Variants in CAST observed in about 807,000 individuals in gnomAD.
The protein encoded by CAST is MIR583 host.
Under a neutral mutation model 119.6 loss-of-function variants are expected in CAST, and 76 were observed. That is an observed-to-expected ratio of 0.64 (90% CI 0.53 to 0.77). The LOEUF is 0.77. Ranked by LOEUF, CAST falls within the 30% of genes least tolerant of loss-of-function variation. CAST has a pLI of 0.00. For synonymous variants in CAST, 319 were observed against 331.6 expected, an observed-to-expected ratio of 0.96 and a Z score of 0.41; for missense variants, 953 against 946.5, an observed-to-expected ratio of 1.01 and a Z score of -0.09.
the CAST span, among the ~76,000 whole-genome samples, chr5:95,992,831 T>G: frequency 1.3e-5 from 2 of 152,098 alleles, no homozygotes; most frequent in Non-Finnish European, 2.9e-5. Flanking sequence ...AAATCTAAAA[T>G]TATTCCAAAA....
chr5:96,721,429 C>A (rs976052696), intron 3 of CAST, among the ~76,000 whole-genome samples: 5 of 152,004 alleles, frequency 3.3e-5, no homozygotes, highest in African/African-American at 1.2e-4. Context: ...CATACAATCA[C>A]CTTGAGTGGT....
At chr5:96,551,582 T>G (rs1014930495) in intron 1 of CAST, among the ~76,000 whole-genome samples, 1 of 151,902 alleles carries the variant, frequency 6.6e-6, no homozygotes, top group South Asian at 2.1e-4. Context: ...TAACCTTAAA[T>G]GTAAATGGGC....
upstream of CAST, among the ~76,000 whole-genome samples, chr5:96,527,604 T>C (rs909262530): frequency 3.9e-5 from 6 of 152,176 alleles, no homozygotes; most frequent in Admixed American, 3.9e-4. Flanking sequence ...TCAGTATCGT[T>C]AAGAAAACCT....
At chr5:96,652,737 A>G (rs756027781) in intron 1 of CAST, among the ~76,000 whole-genome samples, 3 of 152,230 alleles carry the variant, frequency 2.0e-5, no homozygotes, top group Admixed American at 6.5e-5. Flanking sequence ...AAATGACACA[A>G]TGCAAAATAT....
the CAST span, among the ~76,000 whole-genome samples, chr5:95,999,803 T>C: frequency 1.3e-5 from 2 of 152,242 alleles, no homozygotes; most frequent in African/African-American, 4.8e-5. Flanking sequence ...CGTAGTTTTA[T>C]GTTTAACTTT....
chr5:95,963,938 G>C, the CAST span, among the ~76,000 whole-genome samples: 2 of 152,126 alleles, frequency 1.3e-5, no homozygotes, highest in African/African-American at 4.8e-5. Context: ...GCGGGTGGGG[G>C]AGGAGTAAGG....
intron 1 of CAST, among the ~76,000 whole-genome samples, chr5:96,615,230 G>A (rs1018746055): frequency 2.6e-5 from 4 of 152,230 alleles, no homozygotes; most frequent in African/African-American, 7.2e-5. Context: ...GCTAAACTAT[G>A]ATGTTCAGCA....
At chr5:96,563,290 A>C (rs1171234387) in intron 1 of CAST, among the ~76,000 whole-genome samples, 1 of 152,106 alleles carries the variant, frequency 6.6e-6, no homozygotes, top group South Asian at 2.1e-4. Context: ...TATTAAATAC[A>C]TGTGTATTAT....
chr5:96,170,589 C>A, the CAST span, among the ~76,000 whole-genome samples: 1 of 152,098 alleles, frequency 6.6e-6, no homozygotes, highest in Non-Finnish European at 1.5e-5. Context: ...ATGTCGGGAG[C>A]GGATTGGGTA....
At chr5:96,594,930 C>T (rs1747029459) in intron 1 of CAST, among the ~76,000 whole-genome samples, 1 of 152,112 alleles carries the variant, frequency 6.6e-6, no homozygotes. Context: ...AAAGGCAAGA[C>T]CAAGGAAGCA....
chr5:96,227,700 T>C, the CAST span, among the ~76,000 whole-genome samples: 2 of 152,194 alleles, frequency 1.3e-5, no homozygotes, highest in East Asian at 3.8e-4. Context: ...TTTTGTTACT[T>C]TTTATTTTCA....
rs550623125 is a variant in CAST, at chr5:96,561,329, C to A, written c.60+31449C>A. Reference sequence around the variant, plus strand: ...ATGTAACAAACCTGCACTTTGTGTACACGTACCCTAAAACTTAAAGTATAA... The same window carrying A: ...ATGTAACAAACCTGCACTTTGTGTAAACGTACCCTAAAACTTAAAGTATAA... On this transcript the variant is annotated intron_variant, in intron 1 of 11. Coordinates refer to the CAST transcript ENST00000505143. Among the ~76,000 whole-genome samples, 4 of 150,434 alleles carry A rather than the reference C, an allele frequency of 2.7e-5. No individual in the cohort carries two copies. The East Asian group carries it at 7.8e-4, about 30-fold the overall frequency.
chr5:96,606,153 C>T (rs1431493374), intron 1 of CAST, among the ~76,000 whole-genome samples: 1 of 151,934 alleles, frequency 6.6e-6, no homozygotes, highest in Non-Finnish European at 1.5e-5. Context: ...TTTAAATCAC[C>T]TGAACAACAA....
chr5:96,547,815 G>A (rs1483237434), intron 1 of CAST, among the ~76,000 whole-genome samples: 1 of 152,130 alleles, frequency 6.6e-6, no homozygotes, highest in Non-Finnish European at 1.5e-5. Flanking sequence ...GTCTTTAATG[G>A]TGGCATTAAT....
chr5:96,419,753 T>C, the CAST span, among the ~76,000 whole-genome samples: 1 of 151,888 alleles, frequency 6.6e-6, no homozygotes, highest in Non-Finnish European at 1.5e-5. Context: ...TGCAGGTAAC[T>C]CCCTGAGTCA....
the CAST span, among the ~76,000 whole-genome samples, chr5:96,426,142 G>C: frequency 6.6e-6 from 1 of 152,124 alleles, no homozygotes. Context: ...GCACCTTTAG[G>C]GGGAGGAGAA....
chr5:96,492,041 G>A, the CAST span, among the ~76,000 whole-genome samples: 1,052 of 152,308 alleles, frequency 6.9e-3, 11 homozygotes, highest in African/African-American at 0.023. Flanking sequence ...GTAATATTCT[G>A]TTTCTTGACC....
chr5:96,356,177 TG>T, the CAST span, among the ~76,000 whole-genome samples: 1 of 152,214 alleles, frequency 6.6e-6, no homozygotes, highest in African/African-American at 2.4e-5. Context: ...CACTTTTTGA[TG>T]GGGTTATTTT....
the CAST span, among the ~76,000 whole-genome samples, chr5:96,036,719 A>T: frequency 1.4e-3 from 218 of 152,310 alleles, 1 homozygote; most frequent in African/African-American, 5.0e-3. Flanking sequence ...AATATTTAAG[A>T]CCATACAAAT....
Sources: gnomAD v4.1 joint callset for allele counts (sites outside exome capture counted in the v4.1 genomes callset) on GRCh38, gnomAD v4.1.1 for gene constraint, MANE v1.5 for transcripts, NCBI Gene and HGNC (gene_info 2026-07-23, HGNC 2026-07-21) for gene names.